WDR33: variants seen among roughly 807,000 people sequenced by gnomAD.
The protein encoded by WDR33 is WD repeat domain 33.
In WDR33, 47 loss-of-function variants were observed where a neutral mutation model predicts 164.9. That is an observed-to-expected ratio of 0.29 (90% CI 0.23 to 0.36). The LOEUF is 0.36. Ranked by LOEUF, WDR33 falls within the 10% of genes least tolerant of loss-of-function variation. The pLI, the probability that WDR33 is intolerant of heterozygous loss-of-function variation, is 1.00. For missense variants in WDR33, 1,137 were observed against 1,754.1 expected, an observed-to-expected ratio of 0.65 and a Z score of 6.28; for synonymous variants, 505 against 589.0, an observed-to-expected ratio of 0.86 and a Z score of 2.06.
At chr2:127,754,686 G>C (rs542771994) in intron 7 of WDR33, among the ~76,000 whole-genome samples, 1 of 148,162 alleles carries the variant, frequency 6.7e-6, no homozygotes, top group East Asian at 2.0e-4. Context: ...GCCTCCCAAA[G>C]AGCTGGGATT....
rs754454193 is a variant in WDR33, at chr2:127,711,751, G to GATATATATAT, written c.3308+1822_3308+1831dup. On this transcript the variant is annotated intron_variant, in intron 18 of 21. Transcript: ENST00000322313. ...CAACCCTAACTCAACCACATATACA[G>GATATATATAT]ATATATATATATATATATATATATA... Among the ~76,000 whole-genome samples, 108 of 71,572 alleles carry GATATATATAT rather than the reference G, an allele frequency of 1.5e-3. 3 individuals are homozygous for GATATATATAT. The highest frequency in any genetic ancestry group is 1.9e-3 in the African/African-American group (19 of 10,092). 47.0% of individuals were successfully genotyped at this position (71,572 alleles called of 152,430 possible).
At chr2:127,792,153 G>A (rs1279400089) in intron 1 of WDR33, among the ~76,000 whole-genome samples, 1 of 151,330 alleles carries the variant, frequency 6.6e-6, no homozygotes, top group Non-Finnish European at 1.5e-5. Flanking sequence ...TGGTCAGGCT[G>A]GTCTCGAACT....
Position 127,708,961 on chromosome 2 carries a change from TGA to T in WDR33, c.3566-71_3566-70del. 1 of 1,434,680 alleles carries T rather than the reference TGA, an allele frequency of 7.0e-7. No homozygotes were observed. Among genetic ancestry groups the T allele is most frequent in the Non-Finnish European group, 9.2e-7 (1 of 1,082,348 alleles). 88.9% of individuals were successfully genotyped at this position (1,434,680 alleles called of 1,614,324 possible). ...CCAGAAGTAGATGGGAATGACACTG[TGA>T]GAGTAAGGAGCAACTCGAGAGCCAC... On this transcript the variant is annotated intron_variant, in intron 20 of 21. Coordinates refer to ENST00000322313, the MANE Select transcript of WDR33 (RefSeq NM_018383.5). The surrounding 1 kb of genome is among the most constrained non-coding windows in gnomAD (Gnocchi z 6.7).
intron 1 of WDR33, among the ~76,000 whole-genome samples, chr2:127,786,131 TCAAA>T (rs1221197796): frequency 6.6e-6 from 1 of 152,200 alleles, no homozygotes; most frequent in African/African-American, 2.4e-5. Flanking sequence ...CCTCCTAGGC[TCAAA>T]CAATCCTCTC....
chr2:127,746,784 T>C (rs1687180213), intron 7 of WDR33, among the ~76,000 whole-genome samples: 1 of 152,260 alleles, frequency 6.6e-6, no homozygotes, highest in South Asian at 2.1e-4. Context: ...ATTTCTTCTT[T>C]GTCACTTAAC....
In WDR33 at chr2:127,702,192, G is replaced by C. The variant is rs1170815266; in HGVS notation, c.*4131C>G. 8.2e-7 allele frequency: 1 copy of C among 1,213,402 alleles called. No homozygotes were observed. Among genetic ancestry groups the C allele is most frequent in the Admixed American group, 4.4e-5 (1 of 22,922 alleles). 75.2% of individuals were successfully genotyped at this position (1,213,402 alleles called of 1,614,324 possible). On this transcript the variant is annotated 3_prime_UTR_variant, in exon 22 of 22. Coordinates refer to ENST00000322313, the MANE Select transcript of WDR33 (RefSeq NM_018383.5). ...GCCCGTGTGAGGACCTCGCGCCCTCGCCGCTGGGGAAGTACGCGGAGCCAG... is the reference window on the plus strand; with the variant it reads ...GCCCGTGTGAGGACCTCGCGCCCTCCCCGCTGGGGAAGTACGCGGAGCCAG...
Position 127,765,160 on chromosome 2 carries a change from G to C in WDR33, c.474+14C>G, listed in dbSNP as rs1217341371. 6.2e-7 allele frequency: 1 copy of C among 1,606,456 alleles called. No homozygotes were observed. ...TACCACAGGATGATGATACCATCTG[G>C]TGATTATCATTACCTGTAATATTGT... On this transcript the variant is annotated intron_variant, in intron 5 of 21. Coordinates refer to ENST00000322313, the MANE Select transcript of WDR33 (RefSeq NM_018383.5).
At chr2:127,809,296 T>C (rs1281356655) in intron 1 of WDR33, among the ~76,000 whole-genome samples, 1 of 152,006 alleles carries the variant, frequency 6.6e-6, no homozygotes, top group African/African-American at 2.4e-5. Context: ...CTTACGTCAA[T>C]ATAAAACCGT....
At chr2:127,750,693 T>C (rs1267180684) in intron 7 of WDR33, among the ~76,000 whole-genome samples, 3 of 51,692 alleles carry the variant, frequency 5.8e-5, no homozygotes, top group African/African-American at 3.1e-4. Flanking sequence ...TATATATATA[T>C]ATATATATAT....
Position 127,721,098 on chromosome 2 carries a change from GT to G in WDR33, c.1671+737del, listed in dbSNP as rs1048102996. 6.6e-6 allele frequency among the ~76,000 whole-genome samples: 1 copy of G among 152,080 alleles called. No individual in the cohort carries two copies. Reference sequence around the variant, plus strand: ...ATCTACTCACTGCCCCACTAATTCAGTTTTTTTATGTTGTTGTTGTTGTTTT... The same window carrying G: ...ATCTACTCACTGCCCCACTAATTCAGTTTTTTATGTTGTTGTTGTTGTTTT... On this transcript the variant is annotated intron_variant, in intron 15 of 21. Transcript: ENST00000322313. The surrounding 1 kb of genome is among the most constrained non-coding windows in gnomAD (Gnocchi z 4.9).
intron 7 of WDR33, chr2:127,737,092 G>T: frequency 1.0e-6 from 1 of 985,356 alleles, no homozygotes; most frequent in Non-Finnish European, 1.2e-6. Flanking sequence ...GTGCTAACCA[G>T]CAAATTCTCC....
At chr2:127,810,597 G>C (rs1407909479) in intron 1 of WDR33, among the ~76,000 whole-genome samples, 2 of 152,216 alleles carry the variant, frequency 1.3e-5, no homozygotes, top group African/African-American at 4.8e-5. Context: ...TCACGGCTAA[G>C]TCTTCAGCTG....
intron 7 of WDR33, among the ~76,000 whole-genome samples, chr2:127,759,187 C>T (rs1373030169): frequency 6.6e-6 from 1 of 152,124 alleles, no homozygotes; most frequent in African/African-American, 2.4e-5. Context: ...TAATGGTGGA[C>T]ATATACATAG....
At chr2:127,809,351 A>G (rs1689557868) in intron 1 of WDR33, among the ~76,000 whole-genome samples, 1 of 151,364 alleles carries the variant, frequency 6.6e-6, no homozygotes, top group Admixed American at 6.6e-5. Context: ...AAAGAAAATT[A>G]TCCAAGTTAA....
At position 127,709,374 on chromosome 2, in the gene WDR33, C is replaced by G. The variant is rs1161102054; in HGVS notation, c.3565+116G>C. The G allele has an allele frequency of 1.6e-5, 16 of 982,244 alleles. No homozygotes were observed. Among genetic ancestry groups the G allele is most frequent in the Admixed American group, 1.9e-5 (1 of 52,808 alleles). 60.8% of individuals were successfully genotyped at this position (982,244 alleles called of 1,614,324 possible). A position where few individuals can be genotyped will look rare whatever the true frequency, so the allele number is the denominator to read the frequency against. On this transcript the variant is annotated intron_variant, in intron 20 of 21. Transcript: ENST00000322313. The surrounding 1 kb of genome is among the most constrained non-coding windows in gnomAD (Gnocchi z 5.0). ...GGCTGCAGGACAGGAGACAGCCCAGCCCCCCGGGAGACATGAGCTGGAAAG... is the reference window on the plus strand; with the variant it reads ...GGCTGCAGGACAGGAGACAGCCCAGGCCCCCGGGAGACATGAGCTGGAAAG...
chr2:127,733,195 CCT>C (rs1388807899), intron 7 of WDR33, among the ~76,000 whole-genome samples: 1 of 152,070 alleles, frequency 6.6e-6, no homozygotes, highest in East Asian at 1.9e-4. Flanking sequence ...GAATCAAGCC[CCT>C]GACAACAAAA....
intron 1 of WDR33, among the ~76,000 whole-genome samples, chr2:127,790,980 T>C (rs181623982): frequency 6.6e-6 from 1 of 152,228 alleles, no homozygotes; most frequent in Admixed American, 6.5e-5. Context: ...ATTCCTGATA[T>C]TGTTCACTTG....
chr2:127,732,136 CA>C, intron 7 of WDR33, among the ~76,000 whole-genome samples: 2 of 151,016 alleles, frequency 1.3e-5, no homozygotes, highest in African/African-American at 2.4e-5. Flanking sequence ...CACACACACA[CA>C]CACACACACA....
rs1687737307 is a variant in WDR33 at position 127,763,453 on chromosome 2, A to G, written c.627-294T>C. ...CTTCTCTATTTTCTATGATACGAGG[A>G]AATCACATGAAGCTGCCTTAAGTGG... is the stretch of plus-strand genomic sequence containing the variant. On this transcript the variant is annotated intron_variant, in intron 6 of 21. Coordinates refer to ENST00000322313, the MANE Select transcript of WDR33 (RefSeq NM_018383.5). This position sits in a 1 kb window ranked among gnomAD's most constrained non-coding sequence, Gnocchi z 4.5. 2.7e-6 allele frequency: 3 copies of G among 1,130,642 alleles called. No individual in the cohort carries two copies. In the South Asian group the frequency reaches 8.5e-5, roughly 32 times the overall value. The allele number at this position is 1,130,642 out of a possible 1,614,324, so 70.0% of individuals were successfully genotyped here. A position where few individuals can be genotyped will look rare whatever the true frequency, so the allele number is the denominator to read the frequency against.
Sources: allele counts gnomAD v4.1 joint callset (sites outside exome capture counted in the v4.1 genomes callset), GRCh38; gene constraint gnomAD v4.1.1; non-coding constraint Gnocchi (gnomAD v3.1); transcripts MANE v1.5; gene names NCBI Gene and HGNC (gene_info 2026-07-23, HGNC 2026-07-21).